Variants in GALR1 observed in about 807,000 individuals in gnomAD.
The protein encoded by GALR1 is galanin receptor 1, also known as galanin receptor type 1.
In GALR1, 11 loss-of-function variants were observed where a neutral mutation model predicts 17.9. The ratio of observed to expected loss-of-function variants is 0.62; its 90% confidence interval spans 0.39 to 1.02. The LOEUF is 1.02. Ranked by LOEUF, GALR1 falls within the 50% of genes least tolerant of loss-of-function variation. The probability of loss-of-function intolerance (pLI) is 0.01; values close to 1 mark genes in which losing one functional copy is unlikely to be tolerated. For missense variants in GALR1, 441 were observed against 456.9 expected, an observed-to-expected ratio of 0.97 and a Z score of 0.32; for synonymous variants, 206 against 205.7, an observed-to-expected ratio of 1.00 and a Z score of -0.01.
chr18:77,267,835 G>A lies in GALR1; in HGVS notation c.733-750G>A, dbSNP rs774956688. On this transcript the variant is annotated intron_variant, in intron 2 of 2. Coordinates refer to ENST00000299727, the MANE Select transcript of GALR1 (RefSeq NM_001480.4). The stretch of plus-strand genomic sequence containing the variant: ...GTTTGTGGCCAGTGGAGGAGGCCAT[G>A]GCCATGTATACAGGCACATGCTTGT... 7.2e-4 allele frequency among the ~76,000 whole-genome samples: 110 copies of A among 152,286 alleles called. 1 individual carries two copies. The highest frequency in any genetic ancestry group is 1.4e-3 in the Non-Finnish European group (95 of 68,020).
In GALR1 at chr18:77,269,710, T is replaced by C. The variant is rs893544399; in HGVS notation, c.*808T>C. ...GGATTTTGAAATTTTACATTAGTAC[T>C]TGACAAAAGTTTTCATTTTGCCTTG... On this transcript the variant is annotated 3_prime_UTR_variant, in exon 3 of 3. Transcript: ENST00000299727. The C allele has an allele frequency of 2.0e-5, 3 of 152,224 alleles. No homozygotes were observed. Among genetic ancestry groups the C allele is most frequent in the Non-Finnish European group, 4.4e-5 (3 of 68,036 alleles). 9.4% of individuals were successfully genotyped at this position (152,224 alleles called of 1,614,324 possible).
chr18:77,258,834 TGGTGGTG>T (rs2144957578), intron 2 of GALR1, among the ~76,000 whole-genome samples: 1 of 3,514 alleles, frequency 2.8e-4, no homozygotes, highest in Non-Finnish European at 8.2e-4. Context: ...GTGCTGGTGA[TGGTGGTG>T]ATGGTGGTGG....
intron 2 of GALR1, among the ~76,000 whole-genome samples, chr18:77,258,845 G>T (rs143087365): frequency 1.7e-3 from 9 of 5,154 alleles, no homozygotes; most frequent in Non-Finnish European, 2.8e-3. Flanking sequence ...GGTGGTGATG[G>T]TGGTGGTGAT....
At chr18:77,266,731 G>C (rs539172740) in intron 2 of GALR1, among the ~76,000 whole-genome samples, 6 of 152,298 alleles carry the variant, frequency 3.9e-5, no homozygotes, top group African/African-American at 1.4e-4. Context: ...GAGAGTGAAG[G>C]GTCGGGGGAA....
intron 1 of GALR1, among the ~76,000 whole-genome samples, chr18:77,252,953 C>CCACCACCAT (rs1912487058): frequency 1.5e-5 from 1 of 67,934 alleles, no homozygotes; most frequent in Non-Finnish European, 3.4e-5. Context: ...ACCACCATCA[C>CCACCACCAT]CACCATCACC....
chr18:77,251,424 G>C (rs1164908452), intron 1 of GALR1, among the ~76,000 whole-genome samples: 2 of 152,250 alleles, frequency 1.3e-5, no homozygotes, highest in Non-Finnish European at 2.9e-5. Context: ...AAAGTTACTT[G>C]GAGTCTGAGA....
intron 2 of GALR1, among the ~76,000 whole-genome samples, chr18:77,258,978 ATGG>A (rs141773342): frequency 0.011 from 883 of 81,500 alleles, 30 homozygotes; most frequent in East Asian, 0.091. Context: ...GATTGTGGTG[ATGG>A]TGGTGGATGG....
intron 2 of GALR1, among the ~76,000 whole-genome samples, chr18:77,258,510 A>ATGGTCATGG (rs1419645780): frequency 1.7e-5 from 2 of 116,152 alleles, no homozygotes; most frequent in African/African-American, 6.7e-5. Context: ...GGTGGTGATG[A>ATGGTCATGG]TGGTGATCAT....
At chr18:77,255,240 T>G (rs563716049) in intron 1 of GALR1, among the ~76,000 whole-genome samples, 199 of 152,224 alleles carry the variant, frequency 1.3e-3, no homozygotes, top group Admixed American at 2.6e-3. Flanking sequence ...TAAGTGACAG[T>G]TCTGCAGGCT....
chr18:77,251,675 G>A (rs1912420580), intron 1 of GALR1, among the ~76,000 whole-genome samples: 1 of 152,126 alleles, frequency 6.6e-6, no homozygotes, highest in South Asian at 2.1e-4. Flanking sequence ...GAGAGCTCTG[G>A]TGGTCACCAG....
At chr18:77,264,332 A>G (rs1912900033) in intron 2 of GALR1, among the ~76,000 whole-genome samples, 1 of 152,094 alleles carries the variant, frequency 6.6e-6, no homozygotes, top group African/African-American at 2.4e-5. Context: ...TCATGGAGTC[A>G]CTTTCCCATG....
rs113935176 is a variant in GALR1 at position 77,256,393 on chromosome 18, C to T, written c.732+170C>T. ...CGTTAGGATGGGAATGGAGGGTCGG[C>T]CTTGGCAAGGGCACCGTGGGTCACT... is the stretch of plus-strand genomic sequence containing the variant. On this transcript the variant is annotated intron_variant, in intron 2 of 2. Coordinates refer to ENST00000299727, the MANE Select transcript of GALR1 (RefSeq NM_001480.4). Among the ~76,000 whole-genome samples the T allele has an allele frequency of 8.7e-3, 1,319 of 152,110 alleles. 17 individuals are homozygous for T. Among genetic ancestry groups the T allele is most frequent in the African/African-American group, 0.03 (1,234 of 41,456 alleles).
intron 2 of GALR1, among the ~76,000 whole-genome samples, chr18:77,267,522 T>C (rs1912968746): frequency 6.6e-6 from 1 of 152,258 alleles, no homozygotes. Flanking sequence ...CTAGTTTCGA[T>C]GGCTCTGTTG....
At position 77,251,221 on chromosome 18, in the gene GALR1, G is replaced by T; in HGVS notation, c.666+7G>T. 1 of 1,589,164 alleles carries T rather than the reference G, an allele frequency of 6.3e-7. No homozygotes were observed. Among genetic ancestry groups the T allele is most frequent in the Non-Finnish European group, 8.6e-7 (1 of 1,161,656 alleles). On this transcript the variant is annotated splice_region_variant and intron_variant, in intron 1 of 2. Transcript: ENST00000299727. ...CTGCTTCTGCTATGCCAAGGTGCAC[G>T]CCGGTCGCGGGGCCGAGACGCGCGA...
At chr18:77,258,423 C>T (rs112655961) in intron 2 of GALR1, among the ~76,000 whole-genome samples, 11 of 151,670 alleles carry the variant, frequency 7.3e-5, no homozygotes, top group African/African-American at 2.2e-4. Context: ...CTTGTTTGCA[C>T]AGAATAAATA....
At chr18:77,253,004 C>T (rs1348690518) in intron 1 of GALR1, among the ~76,000 whole-genome samples, 216 of 84,814 alleles carry the variant, frequency 2.5e-3, no homozygotes, top group Middle Eastern at 6.4e-3. Context: ...ACCACCACCA[C>T]CACCACCACC....
intron 1 of GALR1, among the ~76,000 whole-genome samples, chr18:77,251,565 C>T (rs1912417229): frequency 6.6e-6 from 1 of 152,240 alleles, no homozygotes; most frequent in Non-Finnish European, 1.5e-5. Flanking sequence ...CGGGCGCTGC[C>T]GCATCCTTCC....
At chr18:77,265,248 C>T (rs1264087343) in intron 2 of GALR1, among the ~76,000 whole-genome samples, 1 of 152,124 alleles carries the variant, frequency 6.6e-6, no homozygotes, top group Non-Finnish European at 1.5e-5. Flanking sequence ...GGCTACAGGC[C>T]CCATGCAAAT....
At chr18:77,267,937 G>A in intron 2 of GALR1, among the ~76,000 whole-genome samples, 1 of 152,178 alleles carries the variant, frequency 6.6e-6, no homozygotes, top group East Asian at 1.9e-4. Context: ...TTGCTCAGTA[G>A]AAATCACAAA....
Sources: gnomAD v4.1 joint callset for allele counts (sites outside exome capture counted in the v4.1 genomes callset) on GRCh38, gnomAD v4.1.1 for gene constraint, MANE v1.5 for transcripts, NCBI Gene and HGNC (gene_info 2026-07-23, HGNC 2026-07-21) for gene names.